The following ANKH variants were observed in gnomAD, a reference collection of about 807,000 sequenced individuals.
ANKH encodes mineralization regulator ANKH.
Under a neutral mutation model 49.0 loss-of-function variants are expected in ANKH, and 15 were observed. That is an observed-to-expected ratio of 0.31 (90% CI 0.20 to 0.47). The LOEUF is 0.47. Among genes scored for constraint, ANKH ranks in the 20% least tolerant of loss-of-function variants. ANKH has a pLI of 1.00. For synonymous variants in ANKH, 273 were observed against 260.0 expected (o/e 1.05, Z -0.48); for missense variants, 429 against 652.0 (o/e 0.66, Z 3.72).
chr5:14,727,060 G>A (rs1409713902), intron 8 of ANKH, among the ~76,000 whole-genome samples: 7 of 152,198 alleles, frequency 4.6e-5, no homozygotes. Context: ...ACACGGGAAG[G>A]AGTTTTTACT....
intron 2 of ANKH, chr5:14,768,558 A>G (rs1395569892): frequency 1.2e-5 from 3 of 252,612 alleles, no homozygotes; most frequent in African/African-American, 4.5e-5. Context: ...CAAATTAATA[A>G]ATAGAACAAT....
At chr5:14,870,872 G>C (rs906756326) in intron 1 of ANKH, 1 of 289,314 alleles carries the variant, frequency 3.5e-6, no homozygotes, top group African/African-American at 2.2e-5. Context: ...ACACATTCGG[G>C]ATACCCCTAA....
intron 2 of ANKH, among the ~76,000 whole-genome samples, chr5:14,764,825 G>A (rs706293): frequency 0.41 from 63,094 of 152,108 alleles, 13,207 homozygotes; most frequent in Admixed American, 0.48. Flanking sequence ...CACTGGAAGA[G>A]CACAGGAACC....
At chr5:14,717,039 G>A (rs1408478309) in intron 8 of ANKH, 5 of 596,182 alleles carry the variant, frequency 8.4e-6, no homozygotes, top group Non-Finnish European at 1.2e-5. Context: ...AGCCATGTCT[G>A]TACCCAGGGG....
chr5:14,756,411 G>A (rs1288070716), intron 3 of ANKH, among the ~76,000 whole-genome samples: 1 of 152,168 alleles, frequency 6.6e-6, no homozygotes, highest in African/African-American at 2.4e-5. Context: ...CTTCAAGTTT[G>A]GGCAGGATCT....
chr5:14,827,664 C>T (rs2126594188), intron 1 of ANKH, among the ~76,000 whole-genome samples: 1 of 152,278 alleles, frequency 6.6e-6, no homozygotes, highest in Non-Finnish European at 1.5e-5. Context: ...CTAGTGCTTC[C>T]AACTTAAAGG....
intron 8 of ANKH, among the ~76,000 whole-genome samples, chr5:14,739,215 G>A (rs1738278033): frequency 6.6e-6 from 1 of 152,126 alleles, no homozygotes; most frequent in South Asian, 2.1e-4. Flanking sequence ...TCAGGAGTTC[G>A]AGACCAGCCT....
chr5:14,723,349 CTT>C (rs775497570), intron 8 of ANKH, among the ~76,000 whole-genome samples: 1,659 of 36,986 alleles, frequency 0.045, 38 homozygotes, highest in African/African-American at 0.11. Flanking sequence ...AGAAGTTATT[CTT>C]TTTTTAAAAA....
rs1445353728 is a variant in ANKH at position 14,749,024 on chromosome 5, G to A, written c.822+148C>T. ...ATTACATGACTATAAGTCACCGAAC[G>A]AGATCTTTATGGCTTCCTAGTGTGA... is the stretch of plus-strand genomic sequence containing the variant. On this transcript the variant is annotated intron_variant, in intron 6 of 11. Transcript: ENST00000284268. 6.3e-5 allele frequency: 74 copies of A among 1,171,794 alleles called. No homozygotes were observed. In the Admixed American group the frequency reaches 7.6e-4, roughly 12 times the overall value. The allele number at this position is 1,171,794 out of a possible 1,614,324, so 72.6% of individuals were successfully genotyped here.
intron 2 of ANKH, among the ~76,000 whole-genome samples, chr5:14,761,443 G>A (rs1029444177): frequency 8.5e-5 from 13 of 152,074 alleles, no homozygotes; most frequent in African/African-American, 2.4e-4. Flanking sequence ...TGCATGTAGC[G>A]CCCAGAAATA....
Position 14,707,498 on chromosome 5 carries a change from TAATGATTATTCC to T in ANKH, c.*3687_*3698del, listed in dbSNP as rs1390408360. The T allele has an allele frequency of 3.3e-5, 5 of 152,226 alleles. No individual in the cohort carries two copies. The highest frequency in any genetic ancestry group is 1.2e-4 in the African/African-American group (5 of 41,454). The allele number at this position is 152,226 out of a possible 1,614,324, so 9.4% of individuals were successfully genotyped here. On this transcript the variant is annotated 3_prime_UTR_variant, in exon 12 of 12. Transcript: ENST00000284268. ...AATAAATTTTGAGAGTTACGATATG[TAATGATTATTCC>T]AACCAGGAGAGAGATCCAGAGGGCT...
At position 14,713,001 on chromosome 5, in the gene ANKH, G is replaced by A. The variant is rs535135194; in HGVS notation, c.1266-28C>T. On this transcript the variant is annotated intron_variant, in intron 10 of 11. Transcript: ENST00000284268. This position sits in a 1 kb window ranked among gnomAD's most constrained non-coding sequence, Gnocchi z 4.4. Reference sequence around the variant, plus strand: ...GCAGATGAGAACACAAAGGCAATTTGTCTGTTAAGGCCAAGTCAAGGCACA... The same window carrying A: ...GCAGATGAGAACACAAAGGCAATTTATCTGTTAAGGCCAAGTCAAGGCACA... 6.3e-7 allele frequency: 1 copy of A among 1,597,280 alleles called. No individual in the cohort carries two copies. Among genetic ancestry groups the A allele is most frequent in the East Asian group, 2.2e-5 (1 of 44,470 alleles).
intron 1 of ANKH, among the ~76,000 whole-genome samples, chr5:14,813,840 A>G (rs1418807892): frequency 2.0e-5 from 3 of 152,138 alleles, no homozygotes; most frequent in Admixed American, 6.5e-5. Flanking sequence ...CCCCTACAAC[A>G]TGAGGCTAAA....
intron 1 of ANKH, among the ~76,000 whole-genome samples, chr5:14,781,285 G>C (rs1334283353): frequency 6.6e-6 from 1 of 152,186 alleles, no homozygotes; most frequent in African/African-American, 2.4e-5. Flanking sequence ...TGTGGTTCAG[G>C]GGGAGCAGCA....
intron 1 of ANKH, among the ~76,000 whole-genome samples, chr5:14,847,700 A>T (rs1283284710): frequency 6.6e-6 from 1 of 152,230 alleles, no homozygotes; most frequent in East Asian, 1.9e-4. Context: ...GCCTATAGAT[A>T]TGGACCCAGT....
chr5:14,859,198 A>G (rs1735400730), intron 1 of ANKH, among the ~76,000 whole-genome samples: 1 of 152,164 alleles, frequency 6.6e-6, no homozygotes. Flanking sequence ...TCTGGTAACT[A>G]CTATTCTACC....
In ANKH at chr5:14,713,396, G is replaced by T; in HGVS notation, c.1265+148C>A. On this transcript the variant is annotated intron_variant, in intron 10 of 11. Transcript: ENST00000284268. This position sits in a 1 kb window ranked among gnomAD's most constrained non-coding sequence, Gnocchi z 4.4. ...AATGGATCCCAAGAGCCTCCACCTG[G>T]TGCCTGGGCAGACACACAAAACATC... The T allele has an allele frequency of 8.3e-7, 1 of 1,204,232 alleles. No homozygotes were observed. The highest frequency in any genetic ancestry group is 1.2e-6 in the Non-Finnish European group (1 of 838,500). 74.6% of individuals were successfully genotyped at this position (1,204,232 alleles called of 1,614,324 possible).
chr5:14,763,164 A>G (rs1739144171), intron 2 of ANKH, among the ~76,000 whole-genome samples: 1 of 152,188 alleles, frequency 6.6e-6, no homozygotes, highest in African/African-American at 2.4e-5. Context: ...GTCTACACAC[A>G]TTTTTCCACA....
At chr5:14,858,834 G>A (rs1352430972) in intron 1 of ANKH, among the ~76,000 whole-genome samples, 1 of 151,610 alleles carries the variant, frequency 6.6e-6, no homozygotes, top group South Asian at 2.1e-4. Context: ...TTTCTAGGTG[G>A]TGGGCTTGCA....
Sources: allele counts gnomAD v4.1 joint callset (sites outside exome capture counted in the v4.1 genomes callset), GRCh38; gene constraint gnomAD v4.1.1; non-coding constraint Gnocchi (gnomAD v3.1); transcripts MANE v1.5; gene names NCBI Gene and HGNC (gene_info 2026-07-23, HGNC 2026-07-21).